ENTREP2: variants seen among roughly 807,000 people sequenced by gnomAD.
ENTREP2 encodes the protein endosomal transmembrane epsin interactor 2, also known as protein ENTREP2.
the ENTREP2 span, among the ~76,000 whole-genome samples, chr15:29,280,142 A>G: frequency 6.6e-6 from 1 of 152,230 alleles, no homozygotes; most frequent in Non-Finnish European, 1.5e-5. Context: ...ATTTCAATCT[A>G]CAATGTTCAG....
chr15:29,183,759 G>C, the ENTREP2 span, among the ~76,000 whole-genome samples: 1 of 152,188 alleles, frequency 6.6e-6, no homozygotes, highest in South Asian at 2.1e-4. Context: ...ATTCCCTGAT[G>C]CCTCAGGATA....
chr15:29,163,450 T>C, the ENTREP2 span, among the ~76,000 whole-genome samples: 1 of 150,408 alleles, frequency 6.6e-6, no homozygotes, highest in African/African-American at 2.5e-5. Context: ...GCCAAGAAAA[T>C]AGATAGCTTA....
the ENTREP2 span, among the ~76,000 whole-genome samples, chr15:29,203,883 T>C: frequency 6.6e-6 from 1 of 152,292 alleles, no homozygotes; most frequent in East Asian, 1.9e-4. Flanking sequence ...AAGATTGAAG[T>C]AGCTATCATA....
chr15:29,325,899 T>G, the ENTREP2 span, among the ~76,000 whole-genome samples: 1 of 152,140 alleles, frequency 6.6e-6, no homozygotes, highest in Non-Finnish European at 1.5e-5. Context: ...TTCAACCCAA[T>G]GGGATTTATT....
chr15:29,489,107 CTGT>C, the ENTREP2 span, among the ~76,000 whole-genome samples: 1 of 151,730 alleles, frequency 6.6e-6, no homozygotes, highest in Non-Finnish European at 1.5e-5. Flanking sequence ...AAAATTATTA[CTGT>C]TAAGTTAATT....
At chr15:29,474,021 C>T in the ENTREP2 span, among the ~76,000 whole-genome samples, 1 of 152,176 alleles carries the variant, frequency 6.6e-6, no homozygotes, top group South Asian at 2.1e-4. Context: ...ACCTTCAAAC[C>T]CCCATCTACA....
the ENTREP2 span, among the ~76,000 whole-genome samples, chr15:29,364,435 G>A: frequency 6.6e-6 from 1 of 152,108 alleles, no homozygotes; most frequent in African/African-American, 2.4e-5. Context: ...ATCTGAACAG[G>A]GCCCAGCATA....
chr15:29,456,557 G>T, the ENTREP2 span, among the ~76,000 whole-genome samples: 1 of 152,190 alleles, frequency 6.6e-6, no homozygotes, highest in African/African-American at 2.4e-5. Context: ...AGGGCACTAG[G>T]CCCTGTGAAG....
the ENTREP2 span, chr15:29,126,446 G>A: frequency 1.5e-5 from 24 of 1,549,966 alleles, no homozygotes; most frequent in East Asian, 4.9e-5. Context: ...GGAACCTGGC[G>A]TAGCAGTGCC....
At chr15:29,410,256 C>T in the ENTREP2 span, among the ~76,000 whole-genome samples, 2 of 152,204 alleles carry the variant, frequency 1.3e-5, no homozygotes, top group Non-Finnish European at 2.9e-5. Context: ...TTCATCTCCG[C>T]AAGACAGTGT....
At chr15:29,269,662 G>A in the ENTREP2 span, 23,101 of 1,562,486 alleles carry the variant, frequency 0.015, 2,647 homozygotes, top group African/African-American at 0.26. Flanking sequence ...GTCCCTCTCG[G>A]CCTGGCCGCC....
At chr15:29,484,637 C>CA in the ENTREP2 span, among the ~76,000 whole-genome samples, 1 of 152,000 alleles carries the variant, frequency 6.6e-6, no homozygotes, top group Non-Finnish European at 1.5e-5. Flanking sequence ...TTATAATATG[C>CA]AAAAAACAGA....
At chr15:29,606,334 A>G in the ENTREP2 span, among the ~76,000 whole-genome samples, 1 of 151,208 alleles carries the variant, frequency 6.6e-6, no homozygotes, top group African/African-American at 2.4e-5. Flanking sequence ...TCCTGGGTTC[A>G]AGTGATTATC....
the ENTREP2 span, among the ~76,000 whole-genome samples, chr15:29,523,425 T>C: frequency 6.6e-6 from 1 of 152,074 alleles, no homozygotes; most frequent in Non-Finnish European, 1.5e-5. Context: ...CTAGAAAAGA[T>C]CATTGAAATG....
the ENTREP2 span, among the ~76,000 whole-genome samples, chr15:29,259,433 C>G: frequency 6.6e-6 from 1 of 152,138 alleles, no homozygotes; most frequent in Non-Finnish European, 1.5e-5. Context: ...AAAGTACCTG[C>G]CTGAGAAAAT....
At chr15:29,589,162 G>T in the ENTREP2 span, among the ~76,000 whole-genome samples, 2 of 152,150 alleles carry the variant, frequency 1.3e-5, no homozygotes, top group Non-Finnish European at 2.9e-5. Context: ...ACGTGGAGGA[G>T]ATTCTGGGGC....
the ENTREP2 span, among the ~76,000 whole-genome samples, chr15:29,399,890 ATCT>A: frequency 6.6e-6 from 1 of 152,176 alleles, no homozygotes; most frequent in Non-Finnish European, 1.5e-5. Context: ...CATCCTTGTC[ATCT>A]TCTTGTTGAG....
the ENTREP2 span, among the ~76,000 whole-genome samples, chr15:29,134,900 C>T: frequency 1.3e-5 from 2 of 152,148 alleles, no homozygotes; most frequent in Admixed American, 1.3e-4. Context: ...GGTGTCTTTA[C>T]AGGAGTCAGC....
At chr15:29,199,001 G>T in the ENTREP2 span, among the ~76,000 whole-genome samples, 1 of 152,092 alleles carries the variant, frequency 6.6e-6, no homozygotes, top group Admixed American at 6.5e-5. Flanking sequence ...CTCTTGTCAC[G>T]GGACGTTTGG....
Sources: gnomAD v4.1 joint callset for allele counts (sites outside exome capture counted in the v4.1 genomes callset) on GRCh38, gnomAD v4.1.1 for gene constraint, MANE v1.5 for transcripts, NCBI Gene and HGNC (gene_info 2026-07-23, HGNC 2026-07-21) for gene names.